Variants in NLRP4 observed in about 807,000 individuals in gnomAD.
NLRP4 encodes NLR family pyrin domain containing 4, also known as NACHT, LRR and PYD domains-containing protein 4.
A neutral mutation model predicts 84.7 loss-of-function variants in NLRP4; 44 were observed. The observed-to-expected ratio is 0.52, with a 90% CI of 0.41 to 0.67. NLRP4 has a LOEUF of 0.67. NLRP4 is among the 30% of genes least tolerant of loss of function. The pLI, the probability that NLRP4 is intolerant of heterozygous loss-of-function variation, is 0.00. For missense variants in NLRP4, 1,260 were observed against 1,219.4 expected, an observed-to-expected ratio of 1.03 and a Z score of -0.50; for synonymous variants, 544 against 476.4, an observed-to-expected ratio of 1.14 and a Z score of -1.85.
chr19:55,842,930 T>C (rs1445038084), intron 1 of NLRP4, among the ~76,000 whole-genome samples: 1 of 151,330 alleles, frequency 6.6e-6, no homozygotes, highest in Non-Finnish European at 1.5e-5. Context: ...CGGCTAATTT[T>C]TTGTGTATTT....
At chr19:55,857,462 A>T in intron 2 of NLRP4, 2 of 579,448 alleles carry the variant, frequency 3.5e-6, no homozygotes, top group Non-Finnish European at 6.1e-6. Flanking sequence ...CAGCTCTGCT[A>T]TTCAATCAGG....
chr19:55,874,331 G>T (rs1366780679), intron 7 of NLRP4, among the ~76,000 whole-genome samples: 1 of 151,952 alleles, frequency 6.6e-6, no homozygotes, highest in South Asian at 2.1e-4. Flanking sequence ...ACTCTCTAAG[G>T]TTCACTATGT....
intron 9 of NLRP4, among the ~76,000 whole-genome samples, chr19:55,880,684 A>G (rs1985552042): frequency 6.6e-6 from 1 of 152,150 alleles, no homozygotes. Flanking sequence ...GATGAGAGAT[A>G]TTATACGTAA....
At position 55,881,317 on chromosome 19, in the gene NLRP4, A is replaced by G. The variant is rs140142812; in HGVS notation, c.2868-153A>G. Among the ~76,000 whole-genome samples the G allele has an allele frequency of 2.8e-4, 42 of 152,334 alleles. 1 individual carries two copies. Among genetic ancestry groups the G allele is most frequent in the African/African-American group, 9.9e-4 (41 of 41,584 alleles). ...GGATCCAGGGGTAACATTTATCAGC[A>G]TACCGCTGCATTTGATGTGTATGTC... On this transcript the variant is annotated intron_variant, in intron 9 of 9. Coordinates refer to ENST00000301295, the MANE Select transcript of NLRP4 (RefSeq NM_134444.5).
At chr19:55,873,892 A>G (rs1455309811) in intron 7 of NLRP4, among the ~76,000 whole-genome samples, 1 of 152,164 alleles carries the variant, frequency 6.6e-6, no homozygotes, top group Non-Finnish European at 1.5e-5. Flanking sequence ...AAAAAGGAAT[A>G]TACTTTGCAA....
intron 5 of NLRP4, among the ~76,000 whole-genome samples, chr19:55,867,301 C>A (rs1401983635): frequency 1.4e-5 from 2 of 147,826 alleles, no homozygotes; most frequent in Non-Finnish European, 3.0e-5. Flanking sequence ...GACCGTAAGC[C>A]AAGTGTGCAT....
At chr19:55,869,533 T>C (rs1265511858) in intron 6 of NLRP4, among the ~76,000 whole-genome samples, 1 of 152,196 alleles carries the variant, frequency 6.6e-6, no homozygotes, top group Non-Finnish European at 1.5e-5. Flanking sequence ...TGTCCTAGCC[T>C]GTTGGATTTC....
chr19:55,866,328 G>A (rs560839977), intron 5 of NLRP4, among the ~76,000 whole-genome samples: 2 of 152,210 alleles, frequency 1.3e-5, no homozygotes, highest in African/African-American at 2.4e-5. Context: ...CACCACGCCC[G>A]GCCGCACCAA....
intron 1 of NLRP4, among the ~76,000 whole-genome samples, chr19:55,843,434 T>A (rs1421644972): frequency 6.6e-6 from 1 of 152,094 alleles, no homozygotes; most frequent in Non-Finnish European, 1.5e-5. Flanking sequence ...CACACACCTG[T>A]AATCCTAGCA....
rs372132376 is a variant in NLRP4, at chr19:55,852,106, T to A, written c.26T>A (p.Phe9Tyr). The change falls in exon 2 of 10, where the codon TTT (phenylalanine) becomes TAT (tyrosine). Residue 9 changes from phenylalanine to tyrosine, a missense_variant. Physicochemically the swap from Phe to Tyr is conservative, Grantham distance 22. Transcript: ENST00000301295. ...ATGGCAGCCTCTTTCTTCTCTGATT[T>A]TGGTCTTATGTGGTATCTGGAGGAG... MAASFFSD[F>Y]GLMWYLEELK... The A allele has an allele frequency of 7.5e-6, 12 of 1,595,974 alleles. No individual in the cohort carries two copies. The African/African-American group carries it at 1.6e-4, about 22-fold the overall frequency.
chr19:55,876,206 G>A (rs1366034851), intron 7 of NLRP4, among the ~76,000 whole-genome samples: 2 of 152,280 alleles, frequency 1.3e-5, no homozygotes, highest in Non-Finnish European at 1.5e-5. Flanking sequence ...ATGGAATAGC[G>A]TATCACTGGT....
rs986451311 is a variant in NLRP4, at chr19:55,859,151, G to T, written c.1758G>T (p.Leu586Phe). 3 of 1,613,702 alleles carry T rather than the reference G, an allele frequency of 1.9e-6. No homozygotes were observed. The highest frequency in any genetic ancestry group is 2.5e-6 in the Non-Finnish European group (3 of 1,179,750). The change falls in exon 3 of 10, where the codon TTG becomes TTT. Residue 586 changes from leucine to phenylalanine, a missense_variant. Physicochemically the swap from Leu to Phe is conservative, Grantham distance 22 (BLOSUM62 0). This residue lies in a region of NLRP4 where 544 missense variants were observed against 531.7 expected (regional missense o/e 1.02). Transcript: ENST00000301295. ...ANFHIIDNVDLVVSAYCLKYC... is the reference protein window; with the variant it reads ...ANFHIIDNVDFVVSAYCLKYC... ...TTCATATTATTGACAACGTGGACTTGGTGGTTTCTGCCTACTGCTTAAAAT... is the reference window on the plus strand; with the variant it reads ...TTCATATTATTGACAACGTGGACTTTGTGGTTTCTGCCTACTGCTTAAAAT...
In NLRP4 at chr19:55,857,706, C is replaced by G. The variant is rs369988797; in HGVS notation, c.313C>G (p.Gln105Glu). The G allele has an allele frequency of 1.2e-6, 2 of 1,613,524 alleles. No homozygotes were observed. The highest frequency in any genetic ancestry group is 2.7e-5 in the African/African-American group (2 of 74,896). The change falls in exon 3 of 10, where the codon CAG becomes GAG. Residue 105 changes from glutamine to glutamate, a missense_variant. Gln to Glu is a conservative substitution (Grantham distance 29, BLOSUM62 2). Transcript: ENST00000301295. Reference sequence around the variant, plus strand: ...AAAGACCTATCAAGCTCACGCAAAGCAGAAATTCAGCCGCTTATGGTCCAG... The same window carrying G: ...AAAGACCTATCAAGCTCACGCAAAGGAGAAATTCAGCCGCTTATGGTCCAG... The part of the protein sequence containing the change: ...YTKTYQAHAK[Q>E]KFSRLWSSKS...
rs142548906 is a variant in NLRP4 at position 55,873,981 on chromosome 19, T to C, written c.2525+2984T>C. ...ATAATGAACTTAAGGATTTTTTTAATGGTAAAATAAACCCCCTAAAGGATG... is the reference window on the plus strand; with the variant it reads ...ATAATGAACTTAAGGATTTTTTTAACGGTAAAATAAACCCCCTAAAGGATG... On this transcript the variant is annotated intron_variant, in intron 7 of 9. Coordinates refer to ENST00000301295, the MANE Select transcript of NLRP4 (RefSeq NM_134444.5). 6.6e-3 allele frequency among the ~76,000 whole-genome samples: 1,005 copies of C among 152,092 alleles called. 14 individuals are homozygous for C. Among genetic ancestry groups the C allele is most frequent in the African/African-American group, 0.021 (888 of 41,504 alleles).
In NLRP4 at chr19:55,858,437, T is replaced by C; in HGVS notation, c.1044T>C (p.Cys348=). Reference sequence around the variant, plus strand: ...TCCCGCTCCTCTGCTGGATCCTGTGTACCAGTCTGAAGCAAGAGATGCAGA... The same window carrying C: ...TCCCGCTCCTCTGCTGGATCCTGTGCACCAGTCTGAAGCAAGAGATGCAGA... The part of the protein sequence containing the change: ...CQIPLLCWIL[C]TSLKQEMQKG... Residue 348 remains cysteine (C), a synonymous_variant, in exon 3 of 10, where the codon TGT becomes TGC. Coordinates refer to ENST00000301295, the MANE Select transcript of NLRP4 (RefSeq NM_134444.5). The surrounding 1 kb of genome is among the most constrained non-coding windows in gnomAD (Gnocchi z 4.2). 1.2e-6 allele frequency: 2 copies of C among 1,614,164 alleles called. No individual in the cohort carries two copies. Among genetic ancestry groups the C allele is most frequent in the Non-Finnish European group, 1.7e-6 (2 of 1,180,032 alleles).
intron 1 of NLRP4, among the ~76,000 whole-genome samples, chr19:55,841,708 A>G (rs1983619567): frequency 6.6e-6 from 1 of 151,988 alleles, no homozygotes; most frequent in Admixed American, 6.6e-5. Flanking sequence ...TAAAAATACA[A>G]AAAAAAGTTA....
chr19:55,845,968 T>C (rs1476787939), intron 1 of NLRP4, among the ~76,000 whole-genome samples: 2 of 152,126 alleles, frequency 1.3e-5, no homozygotes, highest in African/African-American at 4.8e-5. Flanking sequence ...TCCCATTCTG[T>C]AGGTTGCCTG....
Position 55,859,940 on chromosome 19 carries a change from A to AC in NLRP4, c.1856+691_1856+692insC, listed in dbSNP as rs1984665983. 1.4e-5 allele frequency among the ~76,000 whole-genome samples: 2 copies of AC among 140,164 alleles called. 1 individual carries two copies. The highest frequency in any genetic ancestry group is 5.7e-5 in the African/African-American group (2 of 34,958). 92.0% of individuals were successfully genotyped at this position (140,164 alleles called of 152,430 possible). ...ACTCTCATCTCCAAAAAAAAAAAAA[A>AC]AAAAAAAAAAAACAAAACACAAATC... On this transcript the variant is annotated intron_variant, in intron 3 of 9. Transcript: ENST00000301295.
In NLRP4 at chr19:55,852,373, G is replaced by T; in HGVS notation, c.280+13G>T. 1 of 1,558,594 alleles carries T rather than the reference G, an allele frequency of 6.4e-7. No individual in the cohort carries two copies. Among genetic ancestry groups the T allele is most frequent in the South Asian group, 1.2e-5 (1 of 82,108 alleles). On this transcript the variant is annotated intron_variant, in intron 2 of 9. Coordinates refer to ENST00000301295, the MANE Select transcript of NLRP4 (RefSeq NM_134444.5). The stretch of plus-strand genomic sequence containing the variant: ...AGGGAGAGAACAGGTGAGGGAGTCT[G>T]GGAAGGGGGAAGCCTTCTTATAATG...
Sources: gnomAD v4.1 joint callset for allele counts (sites outside exome capture counted in the v4.1 genomes callset) on GRCh38, gnomAD v4.1.1 for gene constraint, gnomAD v4.1.1 regional missense constraint, Gnocchi (gnomAD v3.1) non-coding constraint, MANE v1.5 for transcripts, NCBI Gene and HGNC (gene_info 2026-07-23, HGNC 2026-07-21) for gene names.